The following GINS1 variants were observed in gnomAD, a reference collection of about 807,000 sequenced individuals.
GINS1 encodes GINS complex subunit 1.
In GINS1, 26 loss-of-function variants were observed where a neutral mutation model predicts 34.9. That is an observed-to-expected ratio of 0.74 (90% CI 0.55 to 1.03). GINS1 has a LOEUF of 1.03. Ranked by LOEUF, GINS1 falls within the 50% of genes least tolerant of loss-of-function variation. The probability of loss-of-function intolerance (pLI) is 0.00; values close to 1 mark genes in which losing one functional copy is unlikely to be tolerated. For synonymous variants in GINS1, 97 were observed against 84.4 expected (o/e 1.15, Z -0.82); for missense variants, 235 against 237.9 (o/e 0.99, Z 0.08).
At chr20:25,430,060 A>G (rs1302316267) in intron 5 of GINS1, among the ~76,000 whole-genome samples, 2 of 152,260 alleles carry the variant, frequency 1.3e-5, no homozygotes, top group African/African-American at 2.4e-5. Flanking sequence ...CTACAGGCAC[A>G]TGCCATCACG....
chr20:25,430,760 C>T (rs2090422681), intron 5 of GINS1, among the ~76,000 whole-genome samples: 1 of 152,112 alleles, frequency 6.6e-6, no homozygotes, highest in Non-Finnish European at 1.5e-5. Context: ...GAACTCCCGA[C>T]CTCAGGTGAT....
At position 25,441,718 on chromosome 20, in the gene GINS1, A is replaced by T; in HGVS notation, c.464A>T (p.Asp155Val). The T allele has an allele frequency of 6.4e-7, 1 of 1,562,706 alleles. No homozygotes were observed. The highest frequency in any genetic ancestry group is 8.8e-7 in the Non-Finnish European group (1 of 1,142,384). Reference sequence around the variant, plus strand: ...TTCTTTCAGGTCCGGTGTCTAAAAGACTATGGAGAATTTGAAGTTGATGAT... The same window carrying T: ...TTCTTTCAGGTCCGGTGTCTAAAAGTCTATGGAGAATTTGAAGTTGATGAT... ...SLYIEVRCLK[D>V]YGEFEVDDGT... Residue 155 changes from aspartate to valine, a missense_variant, in exon 6 of 7, where the codon GAC becomes GTC. Physicochemically the swap from Asp to Val is radical, Grantham distance 152. Transcript: ENST00000262460.
chr20:25,428,435 T>C (rs867851641), intron 5 of GINS1, among the ~76,000 whole-genome samples: 1 of 132,092 alleles, frequency 7.6e-6, no homozygotes, highest in Non-Finnish European at 1.6e-5. Flanking sequence ...ACAGAGTCTC[T>C]GTCTGTCGCC....
chr20:25,441,992 C>T (rs1328355291), intron 6 of GINS1, among the ~76,000 whole-genome samples: 1 of 152,052 alleles, frequency 6.6e-6, no homozygotes, highest in African/African-American at 2.4e-5. Flanking sequence ...TAGGATATTG[C>T]TTATATTTAA....
At chr20:25,444,805 C>T (rs2090502040) in intron 6 of GINS1, among the ~76,000 whole-genome samples, 2 of 152,298 alleles carry the variant, frequency 1.3e-5, no homozygotes, top group Non-Finnish European at 2.9e-5. Context: ...CAAGCAATAC[C>T]TGGGTACCGG....
intron 3 of GINS1, among the ~76,000 whole-genome samples, chr20:25,417,510 C>A (rs2090328752): frequency 6.6e-6 from 1 of 152,252 alleles, no homozygotes; most frequent in East Asian, 1.9e-4. Flanking sequence ...GCATCACGGT[C>A]TTTCACTACT....
intron 1 of GINS1, chr20:25,408,840 C>G: frequency 1.2e-6 from 1 of 839,294 alleles, no homozygotes; most frequent in Non-Finnish European, 1.4e-6. Context: ...GGCTCCAGAG[C>G]CTGCACTCTA....
In GINS1 at chr20:25,429,215, C is replaced by T. The variant is rs574493966; in HGVS notation, c.447+3888C>T. Among the ~76,000 whole-genome samples, 11 of 152,186 alleles carry T rather than the reference C, an allele frequency of 7.2e-5. No homozygotes were observed. The East Asian group carries it at 2.1e-3, about 29-fold the overall frequency. On this transcript the variant is annotated intron_variant, in intron 5 of 6. Coordinates refer to ENST00000262460, the MANE Select transcript of GINS1 (RefSeq NM_021067.5). The stretch of plus-strand genomic sequence containing the variant: ...ATGTTGGCTAGGCTGGTCTCGAACT[C>T]CTGACCTCAGGTGATCCGCCCACCT...
At chr20:25,429,076 C>T (rs946749347) in intron 5 of GINS1, among the ~76,000 whole-genome samples, 2 of 149,014 alleles carry the variant, frequency 1.3e-5, no homozygotes, top group Admixed American at 6.8e-5. Context: ...GCAACCTCCA[C>T]CTCCTGGGTT....
chr20:25,421,556 A>G (rs2090355514), intron 4 of GINS1, among the ~76,000 whole-genome samples: 1 of 152,182 alleles, frequency 6.6e-6, no homozygotes, highest in Non-Finnish European at 1.5e-5. Flanking sequence ...AACATCTTTT[A>G]TGTTTTTAAA....
At chr20:25,413,067 T>G (rs2090296488) in intron 1 of GINS1, among the ~76,000 whole-genome samples, 1 of 152,082 alleles carries the variant, frequency 6.6e-6, no homozygotes, top group Non-Finnish European at 1.5e-5. Context: ...TTTTTTTTTT[T>G]TTTTTCTTTG....
intron 2 of GINS1, 31 bp from the exon 3 acceptor site, chr20:25,417,073 T>G: frequency 1.0e-6 from 1 of 972,162 alleles, no homozygotes; most frequent in Non-Finnish European, 1.6e-6. Flanking sequence ...GAAAAGTACA[T>G]ATTTTTTTTC....
intron 4 of GINS1, among the ~76,000 whole-genome samples, chr20:25,422,431 C>CA (rs963998076): frequency 3.3e-5 from 5 of 149,446 alleles, no homozygotes; most frequent in Non-Finnish European, 5.9e-5. Flanking sequence ...AAAAAAAAAA[C>CA]AAAAAAAAAC....
intron 5 of GINS1, among the ~76,000 whole-genome samples, chr20:25,431,399 T>C (rs918528762): frequency 6.6e-6 from 1 of 152,102 alleles, no homozygotes; most frequent in Non-Finnish European, 1.5e-5. Context: ...TGTTCTTCAT[T>C]TTATTAATGT....
intron 1 of GINS1, among the ~76,000 whole-genome samples, chr20:25,410,233 C>T (rs936944618): frequency 4.6e-5 from 7 of 151,556 alleles, no homozygotes; most frequent in Admixed American, 1.3e-4. Context: ...CCCAGCTACT[C>T]GGAAGGCTGA....
At chr20:25,435,268 G>A (rs1344146283) in intron 5 of GINS1, among the ~76,000 whole-genome samples, 4 of 152,098 alleles carry the variant, frequency 2.6e-5, no homozygotes, top group African/African-American at 9.7e-5. Flanking sequence ...AGGATCCCAG[G>A]TATGTGATGA....
chr20:25,425,713 C>T (rs1449557902), intron 5 of GINS1, among the ~76,000 whole-genome samples: 1 of 151,344 alleles, frequency 6.6e-6, no homozygotes, highest in African/African-American at 2.4e-5. Context: ...AAAGTTAAAT[C>T]AAAATGGAAA....
At chr20:25,445,707 C>T (rs2090508409) in intron 6 of GINS1, among the ~76,000 whole-genome samples, 2 of 152,056 alleles carry the variant, frequency 1.3e-5, no homozygotes, top group Non-Finnish European at 2.9e-5. Flanking sequence ...GGTCTTGAAC[C>T]CCCGACCTCA....
intron 5 of GINS1, among the ~76,000 whole-genome samples, chr20:25,435,944 C>G (rs1396236123): frequency 6.6e-6 from 1 of 150,796 alleles, no homozygotes; most frequent in Non-Finnish European, 1.5e-5. Flanking sequence ...TCTCAAGTAG[C>G]TGGGATTACA....
Sources: allele counts gnomAD v4.1 joint callset (sites outside exome capture counted in the v4.1 genomes callset), GRCh38; gene constraint gnomAD v4.1.1; transcripts MANE v1.5; gene names NCBI Gene and HGNC (gene_info 2026-07-23, HGNC 2026-07-21).